LAMA2: variants seen among roughly 807,000 people sequenced by gnomAD.
The protein encoded by LAMA2 is laminin subunit alpha 2.
A neutral mutation model predicts 364.8 loss-of-function variants in LAMA2; 269 were observed. That is an observed-to-expected ratio of 0.74 (90% CI 0.67 to 0.82). The LOEUF is 0.82. LAMA2 is among the 40% of genes least tolerant of loss of function. The pLI is 0.00. For synonymous variants in LAMA2, 1,379 were observed against 1,370.6 expected (o/e 1.01, Z -0.14); for missense variants, 3,807 against 3,873.2 (o/e 0.98, Z 0.45).
At chr6:129,155,306 C>T (rs753553579) in intron 8 of LAMA2, among the ~76,000 whole-genome samples, 17 of 151,858 alleles carry the variant, frequency 1.1e-4, no homozygotes, top group Admixed American at 3.9e-4. Context: ...TATAAGAAAC[C>T]GTCAACATTT....
At position 129,257,288 on chromosome 6, in the gene LAMA2, G is replaced by A. The variant is rs970179032; in HGVS notation, c.2097-3423G>A. Among the ~76,000 whole-genome samples, 4 of 152,116 alleles carry A rather than the reference G, an allele frequency of 2.6e-5. No individual in the cohort carries two copies. In the East Asian group the frequency reaches 5.8e-4, roughly 22 times the overall value. The stretch of plus-strand genomic sequence containing the variant: ...ACATTAAAATCCCATTTAACAAATA[G>A]CAGAACCTAATGAACATTGGGATTG... On this transcript the variant is annotated intron_variant, in intron 14 of 64. Coordinates refer to ENST00000421865, the MANE Select transcript of LAMA2 (RefSeq NM_000426.4).
At chr6:128,947,788 G>A (rs1032228273) in intron 1 of LAMA2, among the ~76,000 whole-genome samples, 1 of 152,044 alleles carries the variant, frequency 6.6e-6, no homozygotes, top group Non-Finnish European at 1.5e-5. Context: ...AGAGGGAGAC[G>A]CAGGCCTGAG....
In LAMA2 at chr6:129,325,975, G is replaced by T. The variant is rs148591874; in HGVS notation, c.4177-2303G>T. Among the ~76,000 whole-genome samples the T allele has an allele frequency of 3.8e-3, 583 of 152,204 alleles. 5 individuals carry two copies. The highest frequency in any genetic ancestry group is 0.013 in the African/African-American group (540 of 41,522). Reference sequence around the variant, plus strand: ...GTGCCTCAGCCTCCAGAGTAGTTGGGACTACAGACACGCATCACCACGCCT... The same window carrying T: ...GTGCCTCAGCCTCCAGAGTAGTTGGTACTACAGACACGCATCACCACGCCT... On this transcript the variant is annotated intron_variant, in intron 28 of 64. Coordinates refer to ENST00000421865, the MANE Select transcript of LAMA2 (RefSeq NM_000426.4).
intron 55 of LAMA2, among the ~76,000 whole-genome samples, chr6:129,481,909 C>T (rs941895541): frequency 3.9e-5 from 6 of 152,090 alleles, no homozygotes; most frequent in African/African-American, 1.2e-4. Flanking sequence ...TCTCTGGACA[C>T]AAAGAAGGGC....
chr6:129,019,385 T>A (rs1785272209), intron 1 of LAMA2, among the ~76,000 whole-genome samples: 1 of 151,474 alleles, frequency 6.6e-6, no homozygotes, highest in Admixed American at 6.6e-5. Flanking sequence ...TTTTTGAAAC[T>A]CCCATGAGTC....
intron 3 of LAMA2, among the ~76,000 whole-genome samples, chr6:129,092,816 A>AT (rs1481576909): frequency 1.3e-5 from 2 of 152,132 alleles, no homozygotes; most frequent in Non-Finnish European, 2.9e-5. Flanking sequence ...CTTCATTAAT[A>AT]TTTTTTACGG....
At position 129,512,319 on chromosome 6, in the gene LAMA2, C is replaced by A. The variant is rs770717290; in HGVS notation, c.8858-44C>A. On this transcript the variant is annotated intron_variant, in intron 62 of 64. Transcript: ENST00000421865. Reference sequence around the variant, plus strand: ...CATTGTACACGTTTGAATTAACAATCCCCATCCTCTAATCCAAAATATTTT... The same window carrying A: ...CATTGTACACGTTTGAATTAACAATACCCATCCTCTAATCCAAAATATTTT... The A allele has an allele frequency of 8.8e-6, 14 of 1,589,282 alleles. No individual in the cohort carries two copies. The Admixed American group carries it at 2.2e-4, about 25-fold the overall frequency.
intron 9 of LAMA2, among the ~76,000 whole-genome samples, chr6:129,166,549 A>G (rs914783742): frequency 2.6e-5 from 4 of 152,080 alleles, no homozygotes; most frequent in Non-Finnish European, 4.4e-5. Flanking sequence ...TAAAAAACGG[A>G]TACGTTTTGA....
chr6:129,115,239 A>C (rs1469529246), intron 4 of LAMA2, among the ~76,000 whole-genome samples: 1 of 152,086 alleles, frequency 6.6e-6, no homozygotes, highest in African/African-American at 2.4e-5. Context: ...ATCTTTCCAC[A>C]TGTGTGTTCT....
At chr6:129,416,316 T>C (rs918026281) in intron 40 of LAMA2, among the ~76,000 whole-genome samples, 2 of 152,236 alleles carry the variant, frequency 1.3e-5, no homozygotes, top group African/African-American at 2.4e-5. Context: ...CCCCGGACAG[T>C]CACTCCATTT....
chr6:129,245,054 C>T (rs1165581693), intron 12 of LAMA2, among the ~76,000 whole-genome samples: 1 of 152,028 alleles, frequency 6.6e-6, no homozygotes, highest in Admixed American at 6.6e-5. Flanking sequence ...ATGGCTTAGC[C>T]TAGAACCATC....
chr6:129,390,267 C>G (rs1779247655), intron 35 of LAMA2, among the ~76,000 whole-genome samples: 1 of 151,994 alleles, frequency 6.6e-6, no homozygotes, highest in African/African-American at 2.4e-5. Context: ...TGTGGCAGGG[C>G]CTGAGAATCT....
At chr6:129,322,169 G>T (rs1288235317) in intron 28 of LAMA2, among the ~76,000 whole-genome samples, 1 of 152,132 alleles carries the variant, frequency 6.6e-6, no homozygotes. Context: ...TCTCTGAAGG[G>T]CAATATTTAT....
At chr6:128,918,593 GTGGTCTTCC>G (rs1297553274) in intron 1 of LAMA2, among the ~76,000 whole-genome samples, 1 of 152,122 alleles carries the variant, frequency 6.6e-6, no homozygotes, top group Non-Finnish European at 1.5e-5. Context: ...TAAAAACCTA[GTGGTCTTCC>G]TCATCTTCAT....
At chr6:129,215,718 A>G (rs1053313477) in intron 12 of LAMA2, among the ~76,000 whole-genome samples, 1 of 152,068 alleles carries the variant, frequency 6.6e-6, no homozygotes, top group African/African-American at 2.4e-5. Flanking sequence ...TAAAATGGAG[A>G]GTGTAAATAC....
chr6:129,158,560 G>A (rs186655954), intron 8 of LAMA2: 14 of 1,613,954 alleles, frequency 8.7e-6, no homozygotes, highest in Non-Finnish European at 3.4e-6. Flanking sequence ...CGATTGTAAC[G>A]ACGTCTGCTT....
intron 6 of LAMA2, among the ~76,000 whole-genome samples, chr6:129,147,466 A>G (rs1238363780): frequency 2.0e-5 from 3 of 152,012 alleles, no homozygotes; most frequent in Middle Eastern, 3.4e-3. Context: ...TGACAATGGA[A>G]CAGGAGGATA....
intron 1 of LAMA2, among the ~76,000 whole-genome samples, chr6:129,029,837 A>T (rs796756780): frequency 3.9e-5 from 6 of 152,006 alleles, no homozygotes; most frequent in African/African-American, 1.4e-4. Context: ...TCTTAAATTG[A>T]TTTTTAGGAA....
chr6:128,968,141 G>C (rs1582790980), intron 1 of LAMA2, among the ~76,000 whole-genome samples: 1 of 152,204 alleles, frequency 6.6e-6, no homozygotes, highest in South Asian at 2.1e-4. Flanking sequence ...AGCAGTGGCT[G>C]TGGCTCTGCT....
Sources: gnomAD v4.1 joint callset for allele counts (sites outside exome capture counted in the v4.1 genomes callset) on GRCh38, gnomAD v4.1.1 for gene constraint, MANE v1.5 for transcripts, NCBI Gene and HGNC (gene_info 2026-07-23, HGNC 2026-07-21) for gene names.